Variants in USP54 observed in about 807,000 individuals in gnomAD.
USP54 encodes ubiquitin carboxyl-terminal hydrolase 54.
In USP54, 87 loss-of-function variants were observed where a neutral mutation model predicts 170.5. That is an observed-to-expected ratio of 0.51 (90% CI 0.43 to 0.61). The LOEUF is 0.61. USP54 is among the 20% of genes least tolerant of loss of function. The pLI, the probability that USP54 is intolerant of heterozygous loss-of-function variation, is 0.00. For synonymous variants in USP54, 655 were observed against 742.8 expected (o/e 0.88, Z 1.92); for missense variants, 1,786 against 2,047.8 (o/e 0.87, Z 2.47).
At chr10:73,513,648 ACTG>A (rs1318993792) in intron 20 of USP54, among the ~76,000 whole-genome samples, 2 of 152,196 alleles carry the variant, frequency 1.3e-5, no homozygotes, top group Non-Finnish European at 2.9e-5. Context: ...TGTAAAGGAT[ACTG>A]CTTTTTGCAA....
intron 4 of USP54, among the ~76,000 whole-genome samples, chr10:73,556,034 C>G (rs190311859): frequency 2.5e-3 from 374 of 152,218 alleles, no homozygotes; most frequent in African/African-American, 8.5e-3. Flanking sequence ...GAAGGATGAT[C>G]AAAGGACCAT....
chr10:73,615,105 C>CA (rs1391259088), intron 1 of USP54: 4 of 150,300 alleles, frequency 2.7e-5, no homozygotes, highest in Non-Finnish European at 5.9e-5. Context: ...GTAATCCCGT[C>CA]ACTTTAGGAG....
intron 4 of USP54, among the ~76,000 whole-genome samples, chr10:73,559,037 CACAGTTCAA>C (rs1319299488): frequency 6.6e-6 from 1 of 152,058 alleles, no homozygotes. Context: ...AATGGACCCA[CACAGTTCAA>C]ACCCGTGTTG....
intron 1 of USP54, among the ~76,000 whole-genome samples, chr10:73,615,566 C>T (rs1030811562): frequency 3.3e-5 from 5 of 150,258 alleles, no homozygotes. Flanking sequence ...CATATCAAAA[C>T]ATCTCATGTA....
chr10:73,557,468 C>A (rs1057514424), intron 4 of USP54, among the ~76,000 whole-genome samples: 4 of 150,058 alleles, frequency 2.7e-5, no homozygotes. Flanking sequence ...CTATAGGTGC[C>A]GCCCACCACA....
At chr10:73,569,902 C>CAAAAAAAAAAAAAAAAAAA (rs34676499) in intron 4 of USP54, among the ~76,000 whole-genome samples, 3 of 18,704 alleles carry the variant, frequency 1.6e-4, no homozygotes, top group Admixed American at 8.4e-4. Flanking sequence ...ATTTCATCTC[C>CAAAAAAAAAAAAAAAAAAA]AAAAAAAAAA....
In USP54 at chr10:73,571,408, T is replaced by C. The variant is rs1464391430; in HGVS notation, c.240+13A>G. ...CCAATGGTAGTGAGAAGAAACTAAT[T>C]GGAAGTACTTACCTTGAGAGCGCAA... On this transcript the variant is annotated intron_variant, in intron 4 of 23. Coordinates refer to ENST00000687698, the MANE Select transcript of USP54 (RefSeq NM_001391956.1). The C allele has an allele frequency of 1.2e-6, 2 of 1,610,972 alleles. No individual in the cohort carries two copies. Among genetic ancestry groups the C allele is most frequent in the Admixed American group, 3.3e-5 (2 of 59,704 alleles).
rs376199279 is a variant in USP54 at position 73,530,773 on chromosome 10, G to A, written c.1378C>T (p.Arg460Cys). ...HTSKKGSLIE[R>C]KRSSGRVRRK... ...CTAACCCGACCAGAGCTCCTCTTGC[G>A]CTCTATCAGTGACCCTTTCTTGGAT... Residue 460 changes from arginine to cysteine, a missense_variant, in exon 13 of 24, where the codon CGC becomes TGC. Coordinates refer to ENST00000687698, the MANE Select transcript of USP54 (RefSeq NM_001391956.1). 36 of 1,613,942 alleles carry A rather than the reference G, an allele frequency of 2.2e-5. No homozygotes were observed. Among genetic ancestry groups the A allele is most frequent in the East Asian group, 6.7e-5 (3 of 44,894 alleles).
chr10:73,518,486 A>G (rs1042903467), intron 19 of USP54, among the ~76,000 whole-genome samples: 15 of 152,158 alleles, frequency 9.9e-5, no homozygotes. Context: ...TCACTCACAT[A>G]CATCAGGATG....
intron 22 of USP54, 116 bp downstream of exon 22, chr10:73,504,734 A>C: frequency 7.2e-7 from 1 of 1,384,918 alleles, no homozygotes; most frequent in South Asian, 1.3e-5. Context: ...TGCTGAGTAC[A>C]CAGGGCCTTT....
intron 1 of USP54, among the ~76,000 whole-genome samples, chr10:73,580,648 C>T (rs1397224133): frequency 1.3e-5 from 2 of 152,174 alleles, no homozygotes; most frequent in Non-Finnish European, 2.9e-5. Flanking sequence ...TCTTGGCTCA[C>T]TGCAACCTCT....
intron 3 of USP54, among the ~76,000 whole-genome samples, chr10:73,572,905 G>A (rs1226824151): frequency 6.6e-6 from 1 of 151,984 alleles, no homozygotes; most frequent in Non-Finnish European, 1.5e-5. Flanking sequence ...GCCAAGACAC[G>A]GGTAAACAAA....
intron 19 of USP54, 155 bp downstream of exon 19, chr10:73,519,642 C>T: frequency 5.2e-6 from 6 of 1,158,694 alleles, no homozygotes; most frequent in Non-Finnish European, 7.2e-6. Flanking sequence ...GTACAATGAG[C>T]TTTTCACTGT....
chr10:73,580,801 A>T (rs1038339685), intron 1 of USP54, among the ~76,000 whole-genome samples: 3 of 151,664 alleles, frequency 2.0e-5, no homozygotes, highest in African/African-American at 4.9e-5. Context: ...CTGGTCTCCA[A>T]CTCCTGACTT....
At chr10:73,527,837 C>CAAAAAAA (rs1015620084) in intron 15 of USP54, among the ~76,000 whole-genome samples, 3 of 43,740 alleles carry the variant, frequency 6.9e-5, no homozygotes, top group African/African-American at 8.7e-5. Flanking sequence ...CCATCGATAC[C>CAAAAAAA]AAAAAAAAAA....
intron 1 of USP54, among the ~76,000 whole-genome samples, chr10:73,618,966 A>G (rs2080871089): frequency 2.0e-5 from 3 of 149,686 alleles, no homozygotes; most frequent in Middle Eastern, 3.2e-3. Flanking sequence ...TAATCCCTGC[A>G]CTTTGGGAGA....
chr10:73,560,377 G>A (rs2072551193), intron 4 of USP54, among the ~76,000 whole-genome samples: 2 of 151,878 alleles, frequency 1.3e-5, no homozygotes, highest in African/African-American at 4.8e-5. Context: ...AGACCAGGCC[G>A]GGCATGGTGG....
In USP54 at chr10:73,541,468, C is replaced by G; in HGVS notation, c.732G>C (p.Gln244His). ...CCCATACCAGCCCAATCGTGATAATCTGTGGAGCATTCATCAACACACGGC... is the reference window on the plus strand; with the variant it reads ...CCCATACCAGCCCAATCGTGATAATGTGTGGAGCATTCATCAACACACGGC... The part of the protein sequence containing the change: ...RIRRVLMNAP[Q>H]IITIGLVWDS... Residue 244 changes from glutamine (Q) to histidine (H), a missense_variant, in exon 9 of 24, where the codon CAG becomes CAC. Coordinates refer to ENST00000687698, the MANE Select transcript of USP54 (RefSeq NM_001391956.1). The G allele has an allele frequency of 6.2e-7, 1 of 1,614,190 alleles. No homozygotes were observed.
At position 73,575,542 on chromosome 10, in the gene USP54, T is replaced by C; in HGVS notation, c.117A>G (p.Gln39=). The change falls in exon 3 of 24, where the codon CAA becomes CAG. Residue 39 remains glutamine, a synonymous_variant. Coordinates refer to ENST00000687698, the MANE Select transcript of USP54 (RefSeq NM_001391956.1). The stretch of plus-strand genomic sequence containing the variant: ...GGGCACTGTTGAGGAAGCAGCTGTT[T>C]TGCCCTGGCTCATTGCTGAGGCCTT... ...PSKGLSNEPG[Q]NSCFLNSALQ... 1 of 1,613,720 alleles carries C rather than the reference T, an allele frequency of 6.2e-7. No individual in the cohort carries two copies. Among genetic ancestry groups the C allele is most frequent in the Non-Finnish European group, 8.5e-7 (1 of 1,179,852 alleles).
Sources: gnomAD v4.1 joint callset for allele counts (sites outside exome capture counted in the v4.1 genomes callset) on GRCh38, gnomAD v4.1.1 for gene constraint, MANE v1.5 for transcripts, NCBI Gene and HGNC (gene_info 2026-07-23, HGNC 2026-07-21) for gene names.